Variants in PRKRA observed in about 807,000 individuals in gnomAD.
The protein encoded by PRKRA is interferon-inducible double-stranded RNA-dependent protein kinase activator A.
Under a neutral mutation model 32.4 loss-of-function variants are expected in PRKRA, and 22 were observed. The observed-to-expected ratio is 0.68, with a 90% confidence interval of 0.49 to 0.97. The LOEUF is 0.97. PRKRA is among the 50% of genes least tolerant of loss of function. PRKRA has a pLI of 0.00. For synonymous variants in PRKRA, 139 were observed against 129.8 expected, an observed-to-expected ratio of 1.07 and a Z score of -0.48; for missense variants, 319 against 375.6, an observed-to-expected ratio of 0.85 and a Z score of 1.25.
intron 2 of PRKRA, 40 bp from the exon 3 acceptor site, chr2:178,447,626 A>G: frequency 6.2e-7 from 1 of 1,611,128 alleles, no homozygotes; most frequent in Non-Finnish European, 8.5e-7. Context: ...TATCTCCCAC[A>G]AAAATGTGCA....
chr2:178,432,630 A>G (rs1696713080), intron 7 of PRKRA, among the ~76,000 whole-genome samples: 1 of 152,240 alleles, frequency 6.6e-6, no homozygotes, highest in South Asian at 2.1e-4. Context: ...ACCACACAGT[A>G]ACTTTCTCAA....
intron 1 of PRKRA, 95 bp from the exon 2 acceptor site, chr2:178,450,506 G>T: frequency 7.2e-7 from 1 of 1,396,736 alleles, no homozygotes. Flanking sequence ...ACGGTGACGA[G>T]GGAGGCGCCG....
At chr2:178,443,498 T>C in intron 4 of PRKRA, 114 bp from the exon 5 acceptor site, 1 of 553,856 alleles carries the variant, frequency 1.8e-6, no homozygotes, top group Non-Finnish European at 3.2e-6. Flanking sequence ...AATAGTGATA[T>C]TCTGCAACAG....
intron 3 of PRKRA, chr2:178,445,368 T>A (rs1575097183): frequency 2.0e-5 from 3 of 152,228 alleles, no homozygotes; most frequent in Admixed American, 1.3e-4. Flanking sequence ...GTTTTTTTTT[T>A]CCAACTGTGA....
In PRKRA at chr2:178,451,175, G is replaced by A. The variant is rs1697629940; in HGVS notation, c.-145C>T. Reference sequence around the variant, plus strand: ...TCCTGCTTGCGTTGCTCCAGCGAGGGGGCAGGCAGGGTGGGGGCGGAGCCT... The same window carrying A: ...TCCTGCTTGCGTTGCTCCAGCGAGGAGGCAGGCAGGGTGGGGGCGGAGCCT... On this transcript the variant is annotated 5_prime_UTR_variant, in exon 1 of 8. Transcript: ENST00000325748. 1.2e-6 allele frequency: 1 copy of A among 839,886 alleles called. No individual in the cohort carries two copies. Among genetic ancestry groups the A allele is most frequent in the Non-Finnish European group, 1.8e-6 (1 of 566,108 alleles). The allele number at this position is 839,886 out of a possible 1,614,324, so 52.0% of individuals were successfully genotyped here.
intron 7 of PRKRA, 157 bp from the exon 8 acceptor site, chr2:178,432,411 A>G: frequency 1.1e-6 from 1 of 887,574 alleles, no homozygotes; most frequent in Non-Finnish European, 1.8e-6. Flanking sequence ...CAAACAAAAA[A>G]CCACAACTGC....
intron 7 of PRKRA, among the ~76,000 whole-genome samples, chr2:178,433,002 G>T (rs535685180): frequency 6.6e-6 from 1 of 152,174 alleles, no homozygotes; most frequent in African/African-American, 2.4e-5. Flanking sequence ...AAACGTGTGC[G>T]GTATGATTTA....
intron 6 of PRKRA, among the ~76,000 whole-genome samples, chr2:178,436,887 C>T (rs1445036086): frequency 6.6e-6 from 1 of 152,150 alleles, no homozygotes; most frequent in Non-Finnish European, 1.5e-5. Context: ...CAGAACCCAA[C>T]TGAGTATTTT....
intron 2 of PRKRA, 23 bp downstream of exon 2, chr2:178,450,219 C>T: frequency 3.7e-6 from 6 of 1,614,226 alleles, no homozygotes; most frequent in Non-Finnish European, 5.1e-6. Flanking sequence ...ACTCGGTCAT[C>T]CAGGTTAACT....
intron 2 of PRKRA, 96 bp downstream of exon 2, chr2:178,450,146 C>G (rs1697507726): frequency 1.5e-5 from 22 of 1,490,912 alleles, no homozygotes; most frequent in Non-Finnish European, 1.9e-5. Flanking sequence ...TTCCTCACAG[C>G]TGTCTGGCAA....
chr2:178,435,918 ATTG>A (rs1325441009), intron 7 of PRKRA, among the ~76,000 whole-genome samples: 1 of 152,182 alleles, frequency 6.6e-6, no homozygotes, highest in Non-Finnish European at 1.5e-5. Flanking sequence ...TATCTTTGCT[ATTG>A]TTGTTTTTGT....
In PRKRA at chr2:178,441,623, T is replaced by C. The variant is rs373237495; in HGVS notation, c.596A>G (p.Asn199Ser). 6.2e-7 allele frequency: 1 copy of C among 1,600,382 alleles called. No individual in the cohort carries two copies. The highest frequency in any genetic ancestry group is 1.3e-5 in the African/African-American group (1 of 74,366). ...AACATTACTCACTAAAGAAATGTGGTTCTCTGGAGAAATATTACTAAATTT... is the reference window on the plus strand; with the variant it reads ...AACATTACTCACTAAAGAAATGTGGCTCTCTGGAGAAATATTACTAAATTT... The part of the protein sequence containing the change: ...LAKFSNISPE[N>S]HISLTNVVGH... The change falls in exon 6 of 8, where the codon AAC (asparagine) becomes AGC (serine). Residue 199 changes from asparagine (N) to serine (S), a missense_variant. Asn to Ser is a conservative substitution (Grantham distance 46). Transcript: ENST00000325748.
chr2:178,444,687 T>C (rs1697251000), intron 3 of PRKRA, among the ~76,000 whole-genome samples, 187 bp from the exon 4 acceptor site: 1 of 152,170 alleles, frequency 6.6e-6, no homozygotes, highest in Admixed American at 6.5e-5. Flanking sequence ...CAAATGTCAC[T>C]TCCTCCAAGA....
chr2:178,441,578 A>G (rs774573394), intron 6 of PRKRA, 32 bp downstream of exon 6: 1 of 726,022 alleles, frequency 1.4e-6, no homozygotes, highest in Non-Finnish European at 2.0e-6. Context: ...ATGCTTAATG[A>G]CATTAACATC....
At chr2:178,448,152 A>G (rs912625605) in intron 2 of PRKRA, among the ~76,000 whole-genome samples, 4 of 152,220 alleles carry the variant, frequency 2.6e-5, no homozygotes, top group African/African-American at 7.2e-5. Flanking sequence ...GAATAAGGTG[A>G]CAGCTTGTTA....
chr2:178,449,973 C>T (rs1391645679), intron 2 of PRKRA: 10 of 543,438 alleles, frequency 1.8e-5, no homozygotes, highest in Middle Eastern at 5.0e-4. Context: ...CTAGGAGGAT[C>T]CTAGGGTATG....
At chr2:178,436,034 T>C (rs1696879568) in intron 7 of PRKRA, 111 bp downstream of exon 7, 2 of 773,044 alleles carry the variant, frequency 2.6e-6, no homozygotes, top group Non-Finnish European at 3.8e-6. Flanking sequence ...GAATCCCTGA[T>C]CAATAAAATA....
chr2:178,449,938 C>T, intron 2 of PRKRA: 1 of 465,294 alleles, frequency 2.1e-6, no homozygotes, highest in East Asian at 4.2e-5. Context: ...ACCTTTCCTG[C>T]TTCCCTCTAA....
At chr2:178,450,747 G>T in intron 1 of PRKRA, 2 of 1,352,874 alleles carry the variant, frequency 1.5e-6, no homozygotes, top group South Asian at 1.9e-5. Flanking sequence ...CGTCACCTCC[G>T]CCCGCCCCGC....
Sources: gnomAD v4.1 joint callset for allele counts (sites outside exome capture counted in the v4.1 genomes callset) on GRCh38, gnomAD v4.1.1 for gene constraint, MANE v1.5 for transcripts, NCBI Gene and HGNC (gene_info 2026-07-23, HGNC 2026-07-21) for gene names.